Variants in BMP2 observed in about 807,000 individuals in gnomAD.
The protein encoded by BMP2 is bone morphogenetic protein 2A.
Under a neutral mutation model 28.8 loss-of-function variants are expected in BMP2, and 2 were observed. The ratio of observed to expected loss-of-function variants is 0.07; its 90% confidence interval spans 0.03 to 0.22. The LOEUF (loss-of-function observed/expected upper bound fraction) is 0.22, where lower values mean the gene tolerates loss of function less well. BMP2 is among the 10% of genes least tolerant of loss of function. The pLI is 1.00. For synonymous variants in BMP2, 218 were observed against 204.3 expected (o/e 1.07, Z -0.57); for missense variants, 437 against 517.7 (o/e 0.84, Z 1.51).
chr20:6,779,190 T>A lies in BMP2; in HGVS notation c.*101T>A. On this transcript the variant is annotated 3_prime_UTR_variant, in exon 3 of 3. Transcript: ENST00000378827. ...AACCCCACCCCAGTTGACACTTTAATATTTCCCAATGAAGACTTTATTTAT... is the reference window on the plus strand; with the variant it reads ...AACCCCACCCCAGTTGACACTTTAAAATTTCCCAATGAAGACTTTATTTAT... The A allele has an allele frequency of 2.1e-6, 1 of 474,988 alleles. No individual in the cohort carries two copies. The allele number at this position is 474,988 out of a possible 1,614,324, so 29.4% of individuals were successfully genotyped here. A position where few individuals can be genotyped will look rare whatever the true frequency, so the allele number is the denominator to read the frequency against.
chr20:6,780,052 A>C lies in BMP2; in HGVS notation c.*963A>C, dbSNP rs1174109619. 1 of 152,602 alleles carries C rather than the reference A, an allele frequency of 6.6e-6. No homozygotes were observed. The highest frequency in any genetic ancestry group is 1.5e-5 in the Non-Finnish European group (1 of 68,036). 9.5% of individuals were successfully genotyped at this position (152,602 alleles called of 1,614,324 possible). On this transcript the variant is annotated 3_prime_UTR_variant, in exon 3 of 3. Transcript: ENST00000378827. The stretch of plus-strand genomic sequence containing the variant: ...TTGTGTTTTACCTTTACCTCATCTG[A>C]GAGCTCTTTATTCTCCAAAGAACCC...
At position 6,779,312 on chromosome 20, in the gene BMP2, T is replaced by C. The variant is rs1181952615; in HGVS notation, c.*223T>C. 5.8e-6 allele frequency: 1 copy of C among 172,524 alleles called. No individual in the cohort carries two copies. The highest frequency in any genetic ancestry group is 2.4e-5 in the African/African-American group (1 of 41,942). The allele number at this position is 172,524 out of a possible 1,614,324, so 10.7% of individuals were successfully genotyped here. ...AATATTTTAATCAGAGAATTATTCC[T>C]TAAAGATTTAAAATGTATTTAGTTG... On this transcript the variant is annotated 3_prime_UTR_variant, in exon 3 of 3. Transcript: ENST00000378827.
intron 2 of BMP2, among the ~76,000 whole-genome samples, chr20:6,774,370 T>TA (rs1600171758): frequency 6.6e-6 from 1 of 151,850 alleles, no homozygotes; most frequent in East Asian, 1.9e-4. Context: ...TACTAAAATA[T>TA]AAAAAAATAG....
At chr20:6,773,994 C>T (rs1986450835) in intron 2 of BMP2, among the ~76,000 whole-genome samples, 1 of 152,158 alleles carries the variant, frequency 6.6e-6, no homozygotes. Flanking sequence ...AGGGCAGCCA[C>T]AAAATAGCAG....
intron 2 of BMP2, among the ~76,000 whole-genome samples, chr20:6,777,899 T>A (rs181635660): frequency 8.2e-4 from 124 of 150,564 alleles, no homozygotes; most frequent in African/African-American, 2.9e-3. Context: ...TTTTTTTTTT[T>A]ACCCTAAAGT....
chr20:6,779,443 G>T lies in BMP2; in HGVS notation c.*354G>T, dbSNP rs193100537. ...TTTTTAGGAAAAAAATAGCTAATTT[G>T]TATTTATATGTAATCAAAAGAAGTA... On this transcript the variant is annotated 3_prime_UTR_variant, in exon 3 of 3. Transcript: ENST00000378827. The T allele has an allele frequency of 6.6e-6, 1 of 152,580 alleles. No homozygotes were observed. Among genetic ancestry groups the T allele is most frequent in the Non-Finnish European group, 1.5e-5 (1 of 67,996 alleles). The allele number at this position is 152,580 out of a possible 1,614,324, so 9.5% of individuals were successfully genotyped here. A position where few individuals can be genotyped will look rare whatever the true frequency, so the allele number is the denominator to read the frequency against.
In BMP2 at chr20:6,778,562, G is replaced by T; in HGVS notation, c.664G>T (p.Ala222Ser). The change falls in exon 3 of 3, where the codon GCC becomes TCC. Residue 222 changes from alanine (A) to serine (S), a missense_variant. Coordinates refer to ENST00000378827, the MANE Select transcript of BMP2 (RefSeq NM_001200.4). This position sits in a 1 kb window ranked among gnomAD's most constrained non-coding sequence, Gnocchi z 5.0. ...GATGCGGTGGACTGCACAGGGACAC[G>T]CCAACCATGGATTCGTGGTGGAAGT... Reference protein sequence around the residue: ...AVMRWTAQGHANHGFVVEVAH... With the variant: ...AVMRWTAQGHSNHGFVVEVAH... 2.5e-6 allele frequency: 4 copies of T among 1,614,096 alleles called. No individual in the cohort carries two copies. The highest frequency in any genetic ancestry group is 3.4e-6 in the Non-Finnish European group (4 of 1,180,006).
intron 2 of BMP2, 70 bp downstream of exon 2, chr20:6,770,542 G>A: frequency 6.9e-7 from 1 of 1,455,244 alleles, no homozygotes; most frequent in Non-Finnish European, 9.2e-7. Context: ...GCAGACTGCA[G>A]CCGTCCCTGT....
At chr20:6,770,032 C>G in intron 1 of BMP2, 88 bp from the exon 2 acceptor site, 1 of 1,369,610 alleles carries the variant, frequency 7.3e-7, no homozygotes, top group African/African-American at 1.4e-5. Context: ...AGGAGGCACG[C>G]CAGCCAAATG....
intron 2 of BMP2, among the ~76,000 whole-genome samples, chr20:6,772,628 G>GA (rs894107942): frequency 6.6e-5 from 10 of 152,114 alleles, no homozygotes; most frequent in African/African-American, 1.2e-4. Context: ...GCATTTATTT[G>GA]AAAAAAGACC....
At chr20:6,773,721 T>G (rs1986444821) in intron 2 of BMP2, among the ~76,000 whole-genome samples, 1 of 152,184 alleles carries the variant, frequency 6.6e-6, no homozygotes, top group Non-Finnish European at 1.5e-5. Context: ...GTTTTTAACC[T>G]TTTGTATTTG....
At chr20:6,772,198 A>G (rs1986413915) in intron 2 of BMP2, among the ~76,000 whole-genome samples, 1 of 152,246 alleles carries the variant, frequency 6.6e-6, no homozygotes, top group African/African-American at 2.4e-5. Context: ...AGAACTAAAC[A>G]GGCTACACGT....
chr20:6,768,473 G>C lies in BMP2; in HGVS notation c.-410G>C, dbSNP rs553746369. ...TCGGGCGCTGGTTCCTAAGGAGGAC[G>C]ACAGCACCAGCTTCTCCTTTCTCCC... On this transcript the variant is annotated 5_prime_UTR_variant, in exon 1 of 3. Coordinates refer to ENST00000378827, the MANE Select transcript of BMP2 (RefSeq NM_001200.4). The C allele has an allele frequency of 5.1e-6, 2 of 393,002 alleles. No homozygotes were observed. Among genetic ancestry groups the C allele is most frequent in the Non-Finnish European group, 9.0e-6 (2 of 222,748 alleles). 24.3% of individuals were successfully genotyped at this position (393,002 alleles called of 1,614,324 possible).
intron 2 of BMP2, among the ~76,000 whole-genome samples, chr20:6,771,190 A>ATT (rs11463066): frequency 2.2e-4 from 33 of 150,792 alleles, no homozygotes; most frequent in African/African-American, 4.4e-4. Flanking sequence ...CGAAATGTGG[A>ATT]TTTTTTTTTC....
At position 6,778,579 on chromosome 20, in the gene BMP2, G is replaced by C; in HGVS notation, c.681G>C (p.Val227=). The C allele has an allele frequency of 1.2e-6, 2 of 1,614,116 alleles. No homozygotes were observed. Among genetic ancestry groups the C allele is most frequent in the Non-Finnish European group, 8.5e-7 (1 of 1,180,010 alleles). Residue 227 remains valine (V), a synonymous_variant, in exon 3 of 3, where the codon GTG becomes GTC. Transcript: ENST00000378827. This position sits in a 1 kb window ranked among gnomAD's most constrained non-coding sequence, Gnocchi z 5.0. ...TAQGHANHGF[V]VEVAHLEEKQ... Reference sequence around the variant, plus strand: ...AGGGACACGCCAACCATGGATTCGTGGTGGAAGTGGCCCACTTGGAGGAGA... The same window carrying C: ...AGGGACACGCCAACCATGGATTCGTCGTGGAAGTGGCCCACTTGGAGGAGA...
chr20:6,774,079 A>G (rs1986452646), intron 2 of BMP2, among the ~76,000 whole-genome samples: 1 of 152,196 alleles, frequency 6.6e-6, no homozygotes, highest in Admixed American at 6.5e-5. Flanking sequence ...TCTGTCCATC[A>G]TACCTAAGTC....
At chr20:6,770,031 G>T in intron 1 of BMP2, 89 bp from the exon 2 acceptor site, 8 of 1,362,012 alleles carry the variant, frequency 5.9e-6, no homozygotes, top group Non-Finnish European at 7.9e-6. Context: ...GAGGAGGCAC[G>T]CCAGCCAAAT....
rs1442529588 is a variant in BMP2 at position 6,770,239 on chromosome 20, C to T, written c.113C>T (p.Ser38Leu). The stretch of plus-strand genomic sequence containing the variant: ...CGCAGGAAGTTCGCGGCGGCGTCGT[C>T]GGGCCGCCCCTCATCCCAGCCCTCT... The part of the protein sequence containing the change: ...LGRRKFAAAS[S>L]GRPSSQPSDE... The change falls in exon 2 of 3, where the codon TCG becomes TTG. Residue 38 changes from serine (S) to leucine (L), a missense_variant. Transcript: ENST00000378827. 5.6e-6 allele frequency: 9 copies of T among 1,605,704 alleles called. No individual in the cohort carries two copies. The African/African-American group carries it at 6.7e-5, about 12-fold the overall frequency.
At chr20:6,773,764 A>G (rs1986445867) in intron 2 of BMP2, among the ~76,000 whole-genome samples, 1 of 151,312 alleles carries the variant, frequency 6.6e-6, no homozygotes, top group Admixed American at 6.6e-5. Flanking sequence ...GTTGTCTGTT[A>G]TTTTATTATC....
Sources: allele counts gnomAD v4.1 joint callset (sites outside exome capture counted in the v4.1 genomes callset), GRCh38; gene constraint gnomAD v4.1.1; non-coding constraint Gnocchi (gnomAD v3.1); transcripts MANE v1.5; gene names NCBI Gene and HGNC (gene_info 2026-07-23, HGNC 2026-07-21).